DDX43: variants seen among roughly 807,000 people sequenced by gnomAD.
The protein encoded by DDX43 is probable ATP-dependent RNA helicase DDX43.
Under a neutral mutation model 84.9 loss-of-function variants are expected in DDX43, and 50 were observed. That is an observed-to-expected ratio of 0.59 (90% CI 0.47 to 0.75). The LOEUF (loss-of-function observed/expected upper bound fraction) is 0.75, where lower values mean the gene tolerates loss of function less well. Among genes scored for constraint, DDX43 ranks in the 30% least tolerant of loss-of-function variants. The probability of loss-of-function intolerance (pLI) is 0.00; values close to 1 mark genes in which losing one functional copy is unlikely to be tolerated. For missense variants in DDX43, 689 were observed against 798.6 expected (o/e 0.86, Z 1.65); for synonymous variants, 291 against 266.3 (o/e 1.09, Z -0.90).
intron 2 of DDX43, among the ~76,000 whole-genome samples, chr6:73,399,317 G>A (rs1317719559): frequency 2.0e-5 from 3 of 152,012 alleles, no homozygotes; most frequent in Non-Finnish European, 4.4e-5. Flanking sequence ...AGTATCTCAG[G>A]CCTGTAAGTC....
At chr6:73,401,188 T>A (rs967776059) in intron 3 of DDX43, among the ~76,000 whole-genome samples, 1 of 152,082 alleles carries the variant, frequency 6.6e-6, no homozygotes, top group Non-Finnish European at 1.5e-5. Context: ...CCACGTTGCC[T>A]AGGCTAGTCT....
chr6:73,414,083 T>C lies in DDX43; in HGVS notation c.1606+4T>C. On this transcript the variant is annotated splice_donor_region_variant and intron_variant, in intron 13 of 16. Transcript: ENST00000370336. ...GCATTAGAGAACTTTAAAACAGGTA[T>C]GTTTATGTAATTAGTATTTCATACA... The C allele has an allele frequency of 6.5e-7, 1 of 1,534,350 alleles. No homozygotes were observed. Among genetic ancestry groups the C allele is most frequent in the South Asian group, 1.1e-5 (1 of 89,340 alleles).
chr6:73,398,474 A>G (rs928057805), intron 2 of DDX43, among the ~76,000 whole-genome samples: 5 of 151,554 alleles, frequency 3.3e-5, no homozygotes, highest in East Asian at 1.9e-4. Context: ...CTAGTCTTGA[A>G]CTCCTGACCT....
chr6:73,400,327 A>C lies in DDX43; in HGVS notation c.400A>C (p.Lys134Gln). 1 of 1,607,848 alleles carries C rather than the reference A, an allele frequency of 6.2e-7. No individual in the cohort carries two copies. The highest frequency in any genetic ancestry group is 1.1e-5 in the South Asian group (1 of 89,174). The part of the protein sequence containing the change: ...AKAVIDNFVK[K>Q]LEENYNSECG... Reference sequence around the variant, plus strand: ...AGCAGTGATAGACAATTTTGTTAAAAAGCTAGAAGAAAATTACAATTCAGA... The same window carrying C: ...AGCAGTGATAGACAATTTTGTTAAACAGCTAGAAGAAAATTACAATTCAGA... Residue 134 changes from lysine (K) to glutamine (Q), a missense_variant, in exon 3 of 17, where the codon AAG becomes CAG. Transcript: ENST00000370336.
Position 73,413,787 on chromosome 6 carries a change from T to C in DDX43, c.1496+2T>C, listed in dbSNP as rs1338859309. ...TGTCTTCGTTTCTCGAAAAGCTGTGTAGGTATTTTTTCTTGTGTGTCCATT... is the reference window on the plus strand; with the variant it reads ...TGTCTTCGTTTCTCGAAAAGCTGTGCAGGTATTTTTTCTTGTGTGTCCATT... On this transcript the variant is annotated splice_donor_variant, in intron 12 of 16. Coordinates refer to ENST00000370336, the MANE Select transcript of DDX43 (RefSeq NM_018665.3). LOFTEE classifies it high-confidence loss of function. 6.2e-7 allele frequency: 1 copy of C among 1,611,320 alleles called. No homozygotes were observed. Among genetic ancestry groups the C allele is most frequent in the Non-Finnish European group, 8.5e-7 (1 of 1,179,290 alleles).
At position 73,415,566 on chromosome 6, in the gene DDX43, T is replaced by C; in HGVS notation, c.1815T>C (p.Ile605=). The change falls in exon 15 of 17, where the codon ATT becomes ATC. Residue 605 remains isoleucine, a synonymous_variant. Transcript: ENST00000370336. ...GGGTTGCCTCTGAATTGATTAATAT[T>C]CTGGAAAGAGCAAATCAGGTGAGAC... ...DWRVASELIN[I]LERANQSIPE... is the part of the protein sequence containing the mutation. 6.2e-7 allele frequency: 1 copy of C among 1,612,116 alleles called. No homozygotes were observed. The highest frequency in any genetic ancestry group is 8.5e-7 in the Non-Finnish European group (1 of 1,178,538).
At chr6:73,401,726 C>T (rs745993286) in intron 3 of DDX43, 133 bp from the exon 4 acceptor site, 51 of 788,874 alleles carry the variant, frequency 6.5e-5, no homozygotes, top group Middle Eastern at 4.0e-4. Flanking sequence ...GGCGGGAACC[C>T]GGGAGGTGGA....
chr6:73,400,187 T>C (rs766723144), intron 2 of DDX43, 47 bp from the exon 3 acceptor site: 1 of 1,535,810 alleles, frequency 6.5e-7, no homozygotes, highest in Non-Finnish European at 8.7e-7. Flanking sequence ...CTTTTTATGT[T>C]TTTTAGGGAA....
intron 13 of DDX43, 51 bp from the exon 14 acceptor site, chr6:73,414,497 G>A: frequency 7.0e-7 from 1 of 1,434,788 alleles, no homozygotes; most frequent in Non-Finnish European, 9.5e-7. Flanking sequence ...TTTAGATCTT[G>A]GGTTGGTTTA....
Position 73,409,304 on chromosome 6 carries a change from G to A in DDX43, c.1236G>A (p.Lys412=). The change falls in exon 10 of 17, where the codon AAG becomes AAA. Residue 412 remains lysine (K), a synonymous_variant. Coordinates refer to ENST00000370336, the MANE Select transcript of DDX43 (RefSeq NM_018665.3). The stretch of plus-strand genomic sequence containing the variant: ...TGGGATTTGAACCCCAGATAATGAA[G>A]ATTTTGTTAGATGTGCGCCCAGATA... ...LDMGFEPQIM[K]ILLDVRPDRQ... is the part of the protein sequence containing the mutation. 6.2e-7 allele frequency: 1 copy of A among 1,614,102 alleles called. No homozygotes were observed.
chr6:73,402,559 C>T (rs949071445), intron 4 of DDX43, among the ~76,000 whole-genome samples: 18 of 152,092 alleles, frequency 1.2e-4, no homozygotes. Context: ...AGATGTCAGG[C>T]ACTGTGCCCA....
chr6:73,416,291 T>C, intron 16 of DDX43, 40 bp downstream of exon 16: 1 of 781,990 alleles, frequency 1.3e-6, no homozygotes, highest in Non-Finnish European at 2.2e-6. Context: ...AATGCCTGCT[T>C]ACTTAAACTA....
intron 4 of DDX43, among the ~76,000 whole-genome samples, chr6:73,404,115 C>T (rs1369113426): frequency 8.0e-5 from 12 of 150,182 alleles, no homozygotes; most frequent in African/African-American, 2.5e-4. Context: ...CCGCCGCCGC[C>T]GGCCCCTTTT....
intron 9 of DDX43, 38 bp from the exon 10 acceptor site, chr6:73,409,210 C>T (rs769554800): frequency 6.1e-6 from 9 of 1,479,582 alleles, no homozygotes; most frequent in South Asian, 4.5e-5. Context: ...ACCTGCCTCC[C>T]ATATCTAATC....
At position 73,405,806 on chromosome 6, in the gene DDX43, G is replaced by T. The variant is rs529409917; in HGVS notation, c.778G>T (p.Ala260Ser). Residue 260 changes from alanine (A) to serine (S), a missense_variant, in exon 6 of 17, where the codon GCA becomes TCA. Physicochemically the swap from Ala to Ser is moderately conservative, Grantham distance 99 (BLOSUM62 1). Coordinates refer to ENST00000370336, the MANE Select transcript of DDX43 (RefSeq NM_018665.3). ...YPEVMENIKK[A>S]GFQKPTPIQS... The stretch of plus-strand genomic sequence containing the variant: ...TGAGGTTATGGAAAACATTAAAAAG[G>T]CAGGTTTTCAAAAGCCAACACCTAT... The T allele has an allele frequency of 6.8e-5, 109 of 1,613,958 alleles. No homozygotes were observed. Among genetic ancestry groups the T allele is most frequent in the Middle Eastern group, 4.9e-4 (3 of 6,062 alleles).
At chr6:73,395,218 G>GCATTTCCTCCC in intron 1 of DDX43, 63 bp downstream of exon 1, 1 of 1,513,726 alleles carries the variant, frequency 6.6e-7, no homozygotes, top group South Asian at 1.3e-5. Context: ...CTGGGCGAAG[G>GCATTTCCTCCC]CATTTCCTCC....
Position 73,416,329 on chromosome 6 carries a change from G to A in DDX43, c.*25+78G>A, listed in dbSNP as rs147316779. On this transcript the variant is annotated intron_variant, in intron 16 of 16. Transcript: ENST00000370336. ...CTTTGTTAATAATGTTTATTGCAAT[G>A]AGCATGATCTCTAAGTCATTAACAT... is the stretch of plus-strand genomic sequence containing the variant. 372 of 643,596 alleles carry A rather than the reference G, an allele frequency of 5.8e-4. 2 individuals carry two copies. In the African/African-American group the frequency reaches 5.8e-3, roughly 10 times the overall value. 39.9% of individuals were successfully genotyped at this position (643,596 alleles called of 1,614,324 possible). A position where few individuals can be genotyped will look rare whatever the true frequency, so the allele number is the denominator to read the frequency against.
chr6:73,396,178 C>T (rs898908830), intron 1 of DDX43, among the ~76,000 whole-genome samples: 11 of 152,170 alleles, frequency 7.2e-5, no homozygotes, highest in Admixed American at 4.6e-4. Context: ...AGGATGGTCT[C>T]GAACTCCTGT....
Position 73,401,929 on chromosome 6 carries a change from A to G in DDX43, c.507A>G (p.Pro169=), listed in dbSNP as rs1769580808. Residue 169 remains proline (P), a synonymous_variant, in exon 4 of 17, where the codon CCA becomes CCG. Transcript: ENST00000370336. ...TDNNVVAGDR[P]LIDWDQIREE... ...ACAATGTTGTTGCAGGAGATCGGCC[A>G]TTGATAGATTGGGATCAAATTAGAG... 6.2e-7 allele frequency: 1 copy of G among 1,614,128 alleles called. No individual in the cohort carries two copies. The highest frequency in any genetic ancestry group is 8.5e-7 in the Non-Finnish European group (1 of 1,180,026).
Sources: allele counts gnomAD v4.1 joint callset (sites outside exome capture counted in the v4.1 genomes callset), GRCh38; gene constraint gnomAD v4.1.1; transcripts MANE v1.5; gene names NCBI Gene and HGNC (gene_info 2026-07-23, HGNC 2026-07-21).